The following GALNT13 variants were observed in gnomAD, a reference collection of about 807,000 sequenced individuals.
The protein encoded by GALNT13 is polypeptide N-acetylgalactosaminyltransferase 13, also known as UDP-GalNAc:polypeptide N-acetylgalactosaminyltransferase 13.
GALNT13 carries 28 observed loss-of-function variants against 64.2 expected under a neutral mutation model. That is an observed-to-expected ratio of 0.44 (90% CI 0.32 to 0.60). The LOEUF is 0.60. Ranked by LOEUF, GALNT13 falls within the 20% of genes least tolerant of loss-of-function variation. GALNT13 has a pLI of 0.05. For missense variants in GALNT13, 577 were observed against 669.8 expected (o/e 0.86, Z 1.53); for synonymous variants, 214 against 224.6 (o/e 0.95, Z 0.42).
chr2:153,814,478 TAAATA>T, the GALNT13 span, among the ~76,000 whole-genome samples: 1 of 81,364 alleles, frequency 1.2e-5, no homozygotes, highest in Non-Finnish European at 3.4e-5. Flanking sequence ...AATAAATAAA[TAAATA>T]AATAAATAAA....
intron 3 of GALNT13, among the ~76,000 whole-genome samples, chr2:153,976,008 C>G (rs2105142240): frequency 6.6e-6 from 1 of 152,120 alleles, no homozygotes; most frequent in South Asian, 2.1e-4. Flanking sequence ...AAATAAATAT[C>G]ACATCCCAAC....
intron 8 of GALNT13, among the ~76,000 whole-genome samples, chr2:154,283,952 T>C (rs1225087506): frequency 3.9e-5 from 6 of 152,120 alleles, no homozygotes; most frequent in Non-Finnish European, 8.8e-5. Flanking sequence ...ACATAATAGG[T>C]AAGGGAAAGT....
Position 154,363,365 on chromosome 2 carries a change from T to G in GALNT13, c.1157-32626T>G, listed in dbSNP as rs183180926. Among the ~76,000 whole-genome samples the G allele has an allele frequency of 2.6e-4, 39 of 152,306 alleles. 1 individual carries two copies. The East Asian group carries it at 7.3e-3, about 29-fold the overall frequency. On this transcript the variant is annotated intron_variant, in intron 9 of 12. Coordinates refer to ENST00000392825, the MANE Select transcript of GALNT13 (RefSeq NM_052917.4). The stretch of plus-strand genomic sequence containing the variant: ...TAGCATTTGTTTTAACTTTTTTTTG[T>G]GGAGCGGGGGGAAGCTCAAATGTTC...
At chr2:154,362,620 T>C (rs553208870) in intron 9 of GALNT13, among the ~76,000 whole-genome samples, 1 of 152,014 alleles carries the variant, frequency 6.6e-6, no homozygotes, top group Non-Finnish European at 1.5e-5. Flanking sequence ...AAACTTGATA[T>C]ACAAGAAGAA....
the GALNT13 span, among the ~76,000 whole-genome samples, chr2:153,599,310 T>A: frequency 6.6e-6 from 1 of 152,184 alleles, no homozygotes; most frequent in Non-Finnish European, 1.5e-5. Context: ...GTTACCCTAC[T>A]GATCTAATGA....
chr2:153,668,159 A>T, the GALNT13 span, among the ~76,000 whole-genome samples: 1 of 152,158 alleles, frequency 6.6e-6, no homozygotes, highest in Non-Finnish European at 1.5e-5. Context: ...ACACAATAAT[A>T]GTGGGAGAGT....
At chr2:153,977,601 T>C (rs1347480784) in intron 3 of GALNT13, among the ~76,000 whole-genome samples, 4 of 152,108 alleles carry the variant, frequency 2.6e-5, no homozygotes, top group Admixed American at 6.6e-5. Flanking sequence ...GGAACTACAA[T>C]TCAAGAAGAG....
chr2:153,567,782 AAAG>A, the GALNT13 span, among the ~76,000 whole-genome samples: 14,591 of 152,250 alleles, frequency 0.096, 897 homozygotes, highest in East Asian at 0.17. Flanking sequence ...TATGTACAAA[AAAG>A]AACTGATTAT....
chr2:153,239,368 C>A, the GALNT13 span, among the ~76,000 whole-genome samples: 3 of 152,232 alleles, frequency 2.0e-5, no homozygotes, highest in Admixed American at 2.0e-4. Flanking sequence ...ACTTTCACAG[C>A]AATATTGAAT....
the GALNT13 span, among the ~76,000 whole-genome samples, chr2:153,785,530 A>G: frequency 6.6e-6 from 1 of 152,180 alleles, no homozygotes; most frequent in African/African-American, 2.4e-5. Context: ...TGGGTCCCCA[A>G]TCCAGTATCT....
chr2:154,231,479 T>A (rs933814898), intron 4 of GALNT13, among the ~76,000 whole-genome samples: 1 of 152,170 alleles, frequency 6.6e-6, no homozygotes, highest in Non-Finnish European at 1.5e-5. Context: ...GCTCTTTCAT[T>A]ACTACTCTGG....
At chr2:153,974,648 G>A (rs183162854) in intron 3 of GALNT13, among the ~76,000 whole-genome samples, 227 of 152,142 alleles carry the variant, frequency 1.5e-3, no homozygotes, top group Middle Eastern at 3.4e-3. Context: ...TGGATATGGG[G>A]CTATTAGGAA....
At chr2:154,125,270 A>G (rs1405303024) in intron 3 of GALNT13, among the ~76,000 whole-genome samples, 1 of 152,196 alleles carries the variant, frequency 6.6e-6, no homozygotes, top group Non-Finnish European at 1.5e-5. Flanking sequence ...ATCAGAGAAG[A>G]AAATGAAAAC....
chr2:153,514,812 G>T, the GALNT13 span, among the ~76,000 whole-genome samples: 1 of 152,142 alleles, frequency 6.6e-6, no homozygotes, highest in Non-Finnish European at 1.5e-5. Flanking sequence ...ATCCTGCAGT[G>T]CCTAACAGGT....
the GALNT13 span, among the ~76,000 whole-genome samples, chr2:153,106,264 T>A: frequency 1.3e-5 from 2 of 152,170 alleles, no homozygotes; most frequent in Non-Finnish European, 2.9e-5. Flanking sequence ...AAATTATGCA[T>A]TGCTCCCTCC....
At chr2:153,419,223 C>A in the GALNT13 span, among the ~76,000 whole-genome samples, 6 of 152,068 alleles carry the variant, frequency 3.9e-5, no homozygotes, top group Non-Finnish European at 8.8e-5. Flanking sequence ...AAGTGCCGAG[C>A]AAAAGGGGCT....
intron 10 of GALNT13, among the ~76,000 whole-genome samples, chr2:154,408,217 C>A (rs761531211): frequency 6.6e-6 from 1 of 151,970 alleles, no homozygotes; most frequent in Non-Finnish European, 1.5e-5. Context: ...AGATTAGTAT[C>A]TTTAAAGTCA....
chr2:153,167,493 G>T, the GALNT13 span, among the ~76,000 whole-genome samples: 3 of 152,178 alleles, frequency 2.0e-5, no homozygotes, highest in African/African-American at 4.8e-5. Context: ...CTCCTGAGAA[G>T]AAATAATTCT....
the GALNT13 span, among the ~76,000 whole-genome samples, chr2:153,625,301 T>C: frequency 3.3e-5 from 5 of 152,030 alleles, no homozygotes; most frequent in Admixed American, 3.3e-4. Flanking sequence ...AAGAAAGAGC[T>C]ATGTTCAAAT....
Sources: allele counts gnomAD v4.1 joint callset (sites outside exome capture counted in the v4.1 genomes callset), GRCh38; gene constraint gnomAD v4.1.1; transcripts MANE v1.5; gene names NCBI Gene and HGNC (gene_info 2026-07-23, HGNC 2026-07-21).